WDR11: variants seen among roughly 807,000 people sequenced by gnomAD.
WDR11 encodes WD repeat-containing protein 11.
Under a neutral mutation model 151.2 loss-of-function variants are expected in WDR11, and 83 were observed. The observed-to-expected ratio is 0.55, with a 90% CI of 0.46 to 0.66. The LOEUF is 0.66. WDR11 is among the 30% of genes least tolerant of loss of function. The probability of loss-of-function intolerance (pLI) is 0.00; values close to 1 mark genes in which losing one functional copy is unlikely to be tolerated. For missense variants in WDR11, 1,301 were observed against 1,480.9 expected (o/e 0.88, Z 1.99); for synonymous variants, 484 against 533.1 (o/e 0.91, Z 1.27).
chr10:120,886,625 T>G, intron 15 of WDR11, 64 bp from the exon 16 acceptor site: 2 of 1,583,400 alleles, frequency 1.3e-6, no homozygotes, highest in Non-Finnish European at 1.7e-6. Context: ...GCAAGTTAAT[T>G]AATTATGAGT....
At chr10:120,871,583 G>A (rs1367476990) in intron 10 of WDR11, among the ~76,000 whole-genome samples, 3 of 151,950 alleles carry the variant, frequency 2.0e-5, no homozygotes, top group Admixed American at 1.3e-4. Context: ...CTGGACAGTC[G>A]AGTCTCTGAC....
intron 9 of WDR11, among the ~76,000 whole-genome samples, chr10:120,870,010 A>G (rs4274146): frequency 0.31 from 47,164 of 151,750 alleles, 7,614 homozygotes; most frequent in East Asian, 0.42. Context: ...GGATGGTCTC[A>G]ATCTTCTGAC....
chr10:120,883,753 C>T (rs1847113040), intron 13 of WDR11, 27 bp from the exon 14 acceptor site: 1 of 1,607,218 alleles, frequency 6.2e-7, no homozygotes, highest in Non-Finnish European at 8.5e-7. Flanking sequence ...CAAAAAGGGG[C>T]TTATTTAGTA....
intron 10 of WDR11, among the ~76,000 whole-genome samples, chr10:120,873,395 T>C (rs1176529376): frequency 6.6e-6 from 1 of 152,146 alleles, no homozygotes; most frequent in East Asian, 1.9e-4. Context: ...ATTTATTTAA[T>C]AAAAGAGACA....
intron 17 of WDR11, chr10:120,889,535 C>G: frequency 2.5e-6 from 1 of 395,318 alleles, no homozygotes; most frequent in Non-Finnish European, 4.7e-6. Flanking sequence ...CCAGCACACC[C>G]GGCCAAAAAA....
chr10:120,859,954 T>TAC (rs3217470), intron 3 of WDR11, among the ~76,000 whole-genome samples, 155 bp from the exon 4 acceptor site: 4,248 of 150,818 alleles, frequency 0.028, 83 homozygotes, highest in Middle Eastern at 0.042. Context: ...GGAATATTGA[T>TAC]ACACACACAC....
At chr10:120,865,889 A>C (rs1005248430) in intron 7 of WDR11, 145 bp downstream of exon 7, 4 of 629,820 alleles carry the variant, frequency 6.4e-6, no homozygotes, top group Non-Finnish European at 1.1e-5. Context: ...AAGAGGCATA[A>C]AAAGTATAAG....
rs1368727723 is a variant in WDR11 at position 120,862,837 on chromosome 10, C to G, written c.629C>G (p.Pro210Arg). ...KVYISSPHSS[P>R]AHNKLATATG... ...TACATATCCAGCCCACACTCTAGCC[C>G]AGCTCATAACAAGCTGGCCACAGCC... Residue 210 changes from proline (P) to arginine (R), a missense_variant, in exon 5 of 29, where the codon CCA (proline) becomes CGA (arginine). Physicochemically the swap from Pro to Arg is moderately radical, Grantham distance 103. Around this residue, in one of 3 missense-constraint regions of WDR11, gnomAD observed 692 missense variants for 762.5 expected, o/e 0.91. Coordinates refer to ENST00000263461, the MANE Select transcript of WDR11 (RefSeq NM_018117.12). The G allele has an allele frequency of 6.2e-6, 10 of 1,613,976 alleles. No homozygotes were observed. Among genetic ancestry groups the G allele is most frequent in the Non-Finnish European group, 8.5e-6 (10 of 1,179,996 alleles).
At chr10:120,862,070 A>C (rs1846157523) in intron 4 of WDR11, among the ~76,000 whole-genome samples, 1 of 152,044 alleles carries the variant, frequency 6.6e-6, no homozygotes, top group Admixed American at 6.6e-5. Flanking sequence ...GAGCCTCTTA[A>C]GTATGGTTTT....
rs777316051 is a variant in WDR11 at position 120,865,084 on chromosome 10, G to T, written c.751G>T (p.Ala251Ser). 1.2e-6 allele frequency: 2 copies of T among 1,613,792 alleles called. No homozygotes were observed. The highest frequency in any genetic ancestry group is 2.2e-5 in the South Asian group (2 of 91,070). The change falls in exon 6 of 29, where the codon GCA (alanine) becomes TCA (serine). Residue 251 changes from alanine (A) to serine (S), a missense_variant. Physicochemically the swap from Ala to Ser is moderately conservative, Grantham distance 99. Around this residue, in one of 3 missense-constraint regions of WDR11, gnomAD observed 692 missense variants for 762.5 expected, o/e 0.91. Coordinates refer to ENST00000263461, the MANE Select transcript of WDR11 (RefSeq NM_018117.12). ...AACTCTCAATGATTGCCTTCAGTTGGCATACCTGCCTTCAAAAAGGAATCA... is the reference window on the plus strand; with the variant it reads ...AACTCTCAATGATTGCCTTCAGTTGTCATACCTGCCTTCAAAAAGGAATCA... ...FITLNDCLQL[A>S]YLPSKRNHML... is the part of the protein sequence containing the mutation.
chr10:120,905,309 T>C lies in WDR11; in HGVS notation c.3194-10T>C. ...AGTGTCACTTAAGGGGATGCGCTTT[T>C]GTCTTTCAGAGGGCGTTCAGTTGCT... On this transcript the variant is annotated splice_polypyrimidine_tract_variant and intron_variant, in intron 25 of 28. Transcript: ENST00000263461. The C allele has an allele frequency of 6.2e-7, 1 of 1,613,904 alleles. No individual in the cohort carries two copies. Among genetic ancestry groups the C allele is most frequent in the South Asian group, 1.1e-5 (1 of 91,066 alleles).
Position 120,908,824 on chromosome 10 carries a change from C to T in WDR11, c.*111C>T. 8.3e-7 allele frequency: 1 copy of T among 1,205,044 alleles called. No homozygotes were observed. Among genetic ancestry groups the T allele is most frequent in the South Asian group, 1.2e-5 (1 of 81,280 alleles). 74.6% of individuals were successfully genotyped at this position (1,205,044 alleles called of 1,614,324 possible). ...GAAGAGGAGTACAGGGTCCTGTGAG[C>T]TGTTTGACCACTGTTCTAAGACTAT... On this transcript the variant is annotated 3_prime_UTR_variant, in exon 29 of 29. Transcript: ENST00000263461.
chr10:120,883,743 C>T (rs1240118091), intron 13 of WDR11, 37 bp from the exon 14 acceptor site: 4 of 1,599,404 alleles, frequency 2.5e-6, no homozygotes, highest in Non-Finnish European at 3.4e-6. Context: ...GAAATTTTTG[C>T]AAAAAGGGGC....
At chr10:120,875,051 T>C (rs1384902556) in intron 11 of WDR11, among the ~76,000 whole-genome samples, 1 of 151,870 alleles carries the variant, frequency 6.6e-6, no homozygotes. Flanking sequence ...CACTTATGAG[T>C]GAGAACATGC....
In WDR11 at chr10:120,890,888, G is replaced by A; in HGVS notation, c.2515+1G>A. ...AGAATGGATGAACAAGAGTTAACCG[G>A]TATGGAATCCTAATGATAGGGGGCT... On this transcript the variant is annotated splice_donor_variant, in intron 19 of 28. Transcript: ENST00000263461. LOFTEE classifies it high-confidence loss of function. 6.2e-7 allele frequency: 1 copy of A among 1,614,132 alleles called. No individual in the cohort carries two copies. Among genetic ancestry groups the A allele is most frequent in the Non-Finnish European group, 8.5e-7 (1 of 1,180,008 alleles).
chr10:120,856,115 G>C (rs535871297), intron 2 of WDR11: 1 of 152,080 alleles, frequency 6.6e-6, no homozygotes, highest in African/African-American at 2.4e-5. Flanking sequence ...TATTCCCATC[G>C]ACTGAAGAAT....
intron 4 of WDR11, 33 bp from the exon 5 acceptor site, chr10:120,862,702 A>G (rs745884540): frequency 6.2e-7 from 1 of 1,608,126 alleles, no homozygotes; most frequent in East Asian, 2.2e-5. Context: ...ACTTCATTAA[A>G]CTTTAATCAG....
intron 13 of WDR11, 123 bp from the exon 14 acceptor site, chr10:120,883,657 T>G: frequency 1.3e-6 from 1 of 775,898 alleles, no homozygotes; most frequent in Non-Finnish European, 2.2e-6. Context: ...AAATGGTAGT[T>G]TAAATTGTCT....
Position 120,883,878 on chromosome 10 carries a change from T to C in WDR11, c.1838T>C (p.Ile613Thr). 1.9e-6 allele frequency: 3 copies of C among 1,611,914 alleles called. No homozygotes were observed. The highest frequency in any genetic ancestry group is 1.7e-6 in the Non-Finnish European group (2 of 1,178,270). The change falls in exon 14 of 29, where the codon ATA becomes ACA. Residue 613 changes from isoleucine to threonine, a missense_variant. Physicochemically the swap from Ile to Thr is moderately conservative, Grantham distance 89. This residue lies in a region of WDR11 where 692 missense variants were observed against 762.5 expected (regional missense o/e 0.91). Coordinates refer to ENST00000263461, the MANE Select transcript of WDR11 (RefSeq NM_018117.12). The stretch of plus-strand genomic sequence containing the variant: ...GAGATGTCCAAAAACTTCCCTACAA[T>C]AACTGCTTTGGTAAGTTACAATTTA... ...LREMSKNFPTITALEWSPSHN... is the reference protein window; with the variant it reads ...LREMSKNFPTTTALEWSPSHN...
Sources: allele counts gnomAD v4.1 joint callset (sites outside exome capture counted in the v4.1 genomes callset), GRCh38; gene constraint gnomAD v4.1.1; regional missense constraint gnomAD v4.1.1; transcripts MANE v1.5; gene names NCBI Gene and HGNC (gene_info 2026-07-23, HGNC 2026-07-21).